Variants in HPSE observed in about 807,000 individuals in gnomAD.
HPSE encodes endo-glucoronidase.
HPSE carries 48 observed loss-of-function variants against 65.1 expected under a neutral mutation model. That is an observed-to-expected ratio of 0.74 (90% CI 0.58 to 0.94). The LOEUF (loss-of-function observed/expected upper bound fraction) is 0.94. HPSE is among the 40% of genes least tolerant of loss of function. The pLI, the probability that HPSE is intolerant of heterozygous loss-of-function variation, is 0.00. For missense variants in HPSE, 644 were observed against 637.5 expected (o/e 1.01, Z -0.11); for synonymous variants, 243 against 260.0 (o/e 0.93, Z 0.63).
upstream of HPSE, chr4:83,334,920 C>A (rs1737560065): frequency 2.2e-6 from 3 of 1,337,608 alleles, no homozygotes; most frequent in Non-Finnish European, 3.0e-6. Context: ...CCTCCCACTG[C>A]GCCCTCCATC....
At chr4:83,295,551 A>C (rs199555797) in intron 11 of HPSE, 48 bp from the exon 12 acceptor site, 2 of 1,399,678 alleles carry the variant, frequency 1.4e-6, no homozygotes, top group African/African-American at 2.9e-5. Flanking sequence ...TGCATGCCCC[A>C]CCCATGCTGC....
At chr4:83,310,921 C>T (rs774997819) in intron 4 of HPSE, 31 bp from the exon 5 acceptor site, 15 of 1,539,914 alleles carry the variant, frequency 9.7e-6, no homozygotes, top group African/African-American at 9.6e-5. Flanking sequence ...AAATATATAT[C>T]GAGAAATGTT....
At chr4:83,313,368 CTA>C in intron 3 of HPSE, 81 bp from the exon 4 acceptor site, 2 of 840,844 alleles carry the variant, frequency 2.4e-6, no homozygotes, top group Non-Finnish European at 3.6e-6. Flanking sequence ...TAATGAATAA[CTA>C]TTTCTGTTGT....
At chr4:83,322,107 A>G in intron 2 of HPSE, 112 bp downstream of exon 2, 1 of 775,358 alleles carries the variant, frequency 1.3e-6, no homozygotes, top group Non-Finnish European at 2.0e-6. Context: ...ATGAGGGGAG[A>G]GGAAGTTAAT....
At chr4:83,311,683 A>C in intron 4 of HPSE, among the ~76,000 whole-genome samples, 1 of 148,394 alleles carries the variant, frequency 6.7e-6, no homozygotes, top group East Asian at 2.1e-4. Context: ...CAGGGGGCTG[A>C]GGTGTGAGAG....
In HPSE at chr4:83,302,206, C is replaced by T. The variant is rs753743013; in HGVS notation, c.1269G>A (p.Val423=). 1.9e-6 allele frequency: 3 copies of T among 1,613,890 alleles called. No homozygotes were observed. The highest frequency in any genetic ancestry group is 1.7e-6 in the Non-Finnish European group (2 of 1,179,952). Residue 423 remains valine (V), a synonymous_variant, in exon 10 of 12, where the codon GTG becomes GTA. Transcript: ENST00000311412. ...GAAGCTTCCTTCTCTTTGAACCTTG[C>T]ACGCTTGCCATTAACACCTTGGTGC... ...LVGTKVLMAS[V]QGSKRRKLRV...
At chr4:83,319,072 G>A (rs1011867016) in intron 3 of HPSE, among the ~76,000 whole-genome samples, 3 of 152,020 alleles carry the variant, frequency 2.0e-5, no homozygotes, top group Admixed American at 6.6e-5. Context: ...CCTTGACTCC[G>A]TAGTTTTTTA....
At chr4:83,312,402 G>A (rs1736421326) in intron 4 of HPSE, among the ~76,000 whole-genome samples, 1 of 152,234 alleles carries the variant, frequency 6.6e-6, no homozygotes, top group Non-Finnish European at 1.5e-5. Context: ...TGTTGGCCGG[G>A]CGCAGTGGCT....
At chr4:83,302,986 T>TA (rs910248523) in intron 9 of HPSE, among the ~76,000 whole-genome samples, 6 of 151,940 alleles carry the variant, frequency 3.9e-5, no homozygotes, top group Non-Finnish European at 7.4e-5. Flanking sequence ...AAATAACAGT[T>TA]AAAAAAATCT....
chr4:83,314,173 C>T (rs549215236), intron 3 of HPSE, among the ~76,000 whole-genome samples: 1 of 151,594 alleles, frequency 6.6e-6, no homozygotes, highest in Non-Finnish European at 1.5e-5. Context: ...GGGAGGATCA[C>T]CTGAGCCCAG....
At chr4:83,334,520 C>T in intron 1 of HPSE, 36 bp downstream of exon 1, 1 of 1,540,296 alleles carries the variant, frequency 6.5e-7, no homozygotes, top group Admixed American at 2.0e-5. Flanking sequence ...GTCAGGAGGA[C>T]AGGAAAGGGG....
At chr4:83,297,405 C>T (rs1017998708) in intron 11 of HPSE, among the ~76,000 whole-genome samples, 1 of 151,868 alleles carries the variant, frequency 6.6e-6, no homozygotes, top group African/African-American at 2.4e-5. Context: ...CTTCCCCCCA[C>T]CCCAGCACAT....
intron 1 of HPSE, among the ~76,000 whole-genome samples, chr4:83,330,548 G>A (rs549781181): frequency 3.9e-5 from 6 of 152,190 alleles, no homozygotes; most frequent in African/African-American, 1.4e-4. Flanking sequence ...CAAAACGTGT[G>A]TTTAACATTG....
intron 3 of HPSE, among the ~76,000 whole-genome samples, chr4:83,318,813 A>C (rs368460598): frequency 8.5e-5 from 13 of 152,070 alleles, no homozygotes; most frequent in African/African-American, 3.1e-4. Flanking sequence ...TTAGTGACTG[A>C]AAACATACTA....
chr4:83,300,977 A>T lies in HPSE; in HGVS notation c.1455T>A (p.Pro485=). 1.3e-6 allele frequency: 2 copies of T among 1,589,378 alleles called. No individual in the cohort carries two copies. The highest frequency in any genetic ancestry group is 1.7e-6 in the Non-Finnish European group (2 of 1,169,614). The part of the protein sequence containing the change: ...VDKYLLRPLG[P]HGLLSKSVQL... ...TTACTTACTTGGAAAGTAATCCATGAGGTCCCAAAGGTCTTAGAAGGTATT... is the reference window on the plus strand; with the variant it reads ...TTACTTACTTGGAAAGTAATCCATGTGGTCCCAAAGGTCTTAGAAGGTATT... Residue 485 remains proline, a synonymous_variant, in exon 11 of 12, where the codon CCT becomes CCA. Transcript: ENST00000311412.
intron 10 of HPSE, among the ~76,000 whole-genome samples, chr4:83,301,714 C>T (rs534927255): frequency 2.0e-5 from 3 of 152,266 alleles, no homozygotes; most frequent in East Asian, 1.9e-4. Context: ...AGATTGAAAC[C>T]TATCTAGAGA....
chr4:83,334,618 C>A lies in HPSE; in HGVS notation c.165G>T (p.Ser55=), dbSNP rs923025337. ...TGGCGTCAATGGTGACGGACAGGAA[C>A]GAGGGGCTCACCAGGTGCAGCGGCT... is the stretch of plus-strand genomic sequence containing the variant. ...TQEPLHLVSP[S]FLSVTIDANL... Residue 55 remains serine, a synonymous_variant, in exon 1 of 12, where the codon TCG becomes TCT. Transcript: ENST00000311412. 6.3e-7 allele frequency: 1 copy of A among 1,592,476 alleles called. No individual in the cohort carries two copies. The highest frequency in any genetic ancestry group is 8.6e-7 in the Non-Finnish European group (1 of 1,169,476).
intron 5 of HPSE, among the ~76,000 whole-genome samples, chr4:83,310,361 T>TC (rs963494580): frequency 1.5e-4 from 2 of 13,718 alleles, no homozygotes; most frequent in African/African-American, 2.5e-4. Context: ...AGAGAGAATC[T>TC]TTTTTTTTTT....
chr4:83,329,614 C>A (rs1235733665), intron 1 of HPSE, among the ~76,000 whole-genome samples: 1 of 152,194 alleles, frequency 6.6e-6, no homozygotes, highest in Admixed American at 6.5e-5. Context: ...TAAATATTCT[C>A]ACCATGGCTG....
Sources: gnomAD v4.1 joint callset for allele counts (sites outside exome capture counted in the v4.1 genomes callset) on GRCh38, gnomAD v4.1.1 for gene constraint, MANE v1.5 for transcripts, NCBI Gene and HGNC (gene_info 2026-07-23, HGNC 2026-07-21) for gene names.